The following ABHD2 variants were observed in gnomAD, a reference collection of about 807,000 sequenced individuals.
The protein encoded by ABHD2 is abhydrolase domain containing 2, acylglycerol lipase.
ABHD2 carries 20 observed loss-of-function variants against 48.1 expected under a neutral mutation model. The ratio of observed to expected loss-of-function variants is 0.42; its 90% CI spans 0.29 to 0.60. The LOEUF (loss-of-function observed/expected upper bound fraction) is 0.60. Ranked by LOEUF, ABHD2 falls within the 20% of genes least tolerant of loss-of-function variation. ABHD2 has a pLI of 0.24. For synonymous variants in ABHD2, 209 were observed against 214.2 expected, an observed-to-expected ratio of 0.98 and a Z score of 0.21; for missense variants, 405 against 550.9, an observed-to-expected ratio of 0.74 and a Z score of 2.65.
chr15:89,121,510 T>C (rs1401419267), intron 3 of ABHD2, among the ~76,000 whole-genome samples: 1 of 152,008 alleles, frequency 6.6e-6, no homozygotes, highest in Non-Finnish European at 1.5e-5. Context: ...CAGTAAAATA[T>C]ACAAATCTTA....
At chr15:89,118,570 A>G (rs1196811721) in intron 3 of ABHD2, among the ~76,000 whole-genome samples, 2 of 152,202 alleles carry the variant, frequency 1.3e-5, no homozygotes, top group Non-Finnish European at 2.9e-5. Flanking sequence ...TGCTAGACCC[A>G]GTTCTTTTGT....
the ABHD2 span, among the ~76,000 whole-genome samples, chr15:89,068,739 G>A: frequency 6.9e-6 from 1 of 145,344 alleles, no homozygotes; most frequent in Non-Finnish European, 1.5e-5. Context: ...GCATGAGGAA[G>A]TGGGCAAGCT....
At position 89,187,151 on chromosome 15, in the gene ABHD2, G is replaced by A. The variant is rs148371149; in HGVS notation, c.816-1042G>A. Among the ~76,000 whole-genome samples, 41 of 152,288 alleles carry A rather than the reference G, an allele frequency of 2.7e-4. 1 individual carries two copies. The East Asian group carries it at 7.1e-3, about 27-fold the overall frequency. ...CACCAAGTCCAAGTCCTCTGTCTGC[G>A]TTTCCACACCTCTGGTGTCAAAAGT... On this transcript the variant is annotated intron_variant, in intron 7 of 10. Coordinates refer to ENST00000352732, the MANE Select transcript of ABHD2 (RefSeq NM_152924.5).
chr15:89,084,855 T>G (rs1901328362), upstream of ABHD2, among the ~76,000 whole-genome samples: 1 of 152,204 alleles, frequency 6.6e-6, no homozygotes, highest in Non-Finnish European at 1.5e-5. This position sits in a 1 kb window ranked among gnomAD's most constrained non-coding sequence, Gnocchi z 4.4. Context: ...TTCACTGTCC[T>G]CTGCGTTTTA....
upstream of ABHD2, chr15:89,087,367 G>A (rs764056671): frequency 3.9e-5 from 6 of 152,264 alleles, no homozygotes; most frequent in Non-Finnish European, 7.3e-5. The surrounding 1 kb of genome is among the most constrained non-coding windows in gnomAD (Gnocchi z 5.5). Flanking sequence ...CGAGCCCTAT[G>A]GGGCCTTGGT....
chr15:89,155,677 C>A lies in ABHD2; in HGVS notation c.538+143C>A. 1 of 1,047,260 alleles carries A rather than the reference C, an allele frequency of 9.5e-7. No individual in the cohort carries two copies. The highest frequency in any genetic ancestry group is 1.4e-6 in the Non-Finnish European group (1 of 734,312). 64.9% of individuals were successfully genotyped at this position (1,047,260 alleles called of 1,614,324 possible). A position where few individuals can be genotyped will look rare whatever the true frequency, so the allele number is the denominator to read the frequency against. ...GTCACACGGTTATATCAACAGCCAA[C>A]TTGTACTGGGCATTGATGATGCCAT... On this transcript the variant is annotated intron_variant, in intron 5 of 10. Transcript: ENST00000352732. This position sits in a 1 kb window ranked among gnomAD's most constrained non-coding sequence, Gnocchi z 4.9.
intron 1 of ABHD2, among the ~76,000 whole-genome samples, chr15:89,095,386 G>A (rs1026175266): frequency 7.9e-5 from 12 of 152,208 alleles, no homozygotes; most frequent in African/African-American, 2.9e-4. Context: ...ACTACACAAT[G>A]TTGATATGCA....
intron 3 of ABHD2, among the ~76,000 whole-genome samples, chr15:89,126,749 G>A (rs1487527208): frequency 1.3e-5 from 2 of 152,178 alleles, no homozygotes; most frequent in Admixed American, 6.5e-5. Flanking sequence ...AAGAGCTGAC[G>A]GCTGTTTACG....
At position 89,195,162 on chromosome 15, in the gene ABHD2, T is replaced by G. The variant is rs552254190; in HGVS notation, c.1082-65T>G. On this transcript the variant is annotated intron_variant, in intron 10 of 10. Transcript: ENST00000352732. The surrounding 1 kb of genome is among the most constrained non-coding windows in gnomAD (Gnocchi z 5.1). The stretch of plus-strand genomic sequence containing the variant: ...GCCAGGCTACCCTAGCCAGCTCACC[T>G]CTGCACCTCCTGTCCTGGAGCAAAC... 1.0e-5 allele frequency: 16 copies of G among 1,560,084 alleles called. No individual in the cohort carries two copies. The African/African-American group carries it at 1.5e-4, about 14-fold the overall frequency.
In ABHD2 at chr15:89,116,296, C is replaced by G. The variant is rs759464931; in HGVS notation, c.-6-26C>G. On this transcript the variant is annotated intron_variant, in intron 2 of 10. Coordinates refer to ENST00000352732, the MANE Select transcript of ABHD2 (RefSeq NM_152924.5). This position sits in a 1 kb window ranked among gnomAD's most constrained non-coding sequence, Gnocchi z 4.6. ...CACCCGTCCTCACTGTGCTTGTAAA[C>G]TTAGACCTGTGCCTCTGCTCCCCAG... The G allele has an allele frequency of 2.5e-6, 4 of 1,601,164 alleles. No individual in the cohort carries two copies. The South Asian group carries it at 4.5e-5, about 18-fold the overall frequency.
In ABHD2 at chr15:89,151,561, T is replaced by C. The variant is rs561091834; in HGVS notation, c.195-116T>C. 8.7e-7 allele frequency: 1 copy of C among 1,148,654 alleles called. No individual in the cohort carries two copies. Among genetic ancestry groups the C allele is most frequent in the East Asian group, 2.4e-5 (1 of 41,488 alleles). The allele number at this position is 1,148,654 out of a possible 1,614,324, so 71.2% of individuals were successfully genotyped here. A position where few individuals can be genotyped will look rare whatever the true frequency, so the allele number is the denominator to read the frequency against. On this transcript the variant is annotated intron_variant, in intron 3 of 10. Coordinates refer to ENST00000352732, the MANE Select transcript of ABHD2 (RefSeq NM_152924.5). The surrounding 1 kb of genome is among the most constrained non-coding windows in gnomAD (Gnocchi z 4.7). The stretch of plus-strand genomic sequence containing the variant: ...CGTAATAAAAGCCTCATGTTTATGC[T>C]TTGTGTGCAGAATTTCCCTGGAACA...
In ABHD2 at chr15:89,092,845, G is replaced by A. The variant is rs1221567360; in HGVS notation, c.-107+4282G>A. 2.0e-5 allele frequency among the ~76,000 whole-genome samples: 3 copies of A among 152,180 alleles called. No homozygotes were observed. The highest frequency in any genetic ancestry group is 4.4e-5 in the Non-Finnish European group (3 of 68,020). On this transcript the variant is annotated intron_variant, in intron 1 of 10. Coordinates refer to ENST00000352732, the MANE Select transcript of ABHD2 (RefSeq NM_152924.5). The surrounding 1 kb of genome is among the most constrained non-coding windows in gnomAD (Gnocchi z 4.4). ...TGAAGGCCGTCTATTTTAGATATCT[G>A]TTTTCTGTTTCTAAGGATGCTAAAA...
At chr15:89,191,629 T>C (rs1325987236) in intron 9 of ABHD2, among the ~76,000 whole-genome samples, 11 of 42,628 alleles carry the variant, frequency 2.6e-4, no homozygotes, top group Non-Finnish European at 5.8e-4. Flanking sequence ...ATTTTTTTCT[T>C]TTTTTTTTTT....
chr15:89,064,135 G>C, the ABHD2 span, among the ~76,000 whole-genome samples: 1 of 151,424 alleles, frequency 6.6e-6, no homozygotes, highest in African/African-American at 2.4e-5. Flanking sequence ...GGCTTATTTA[G>C]CATAATGCCT....
At chr15:89,135,785 A>G in intron 3 of ABHD2, 1 of 851,738 alleles carries the variant, frequency 1.2e-6, no homozygotes, top group South Asian at 1.3e-5. Flanking sequence ...CATCTCTCCC[A>G]GTTTCTTTGC....
the ABHD2 span, among the ~76,000 whole-genome samples, chr15:89,072,237 AGACC>A: frequency 2.6e-5 from 4 of 152,160 alleles, no homozygotes; most frequent in Non-Finnish European, 5.9e-5. Flanking sequence ...GAACTCTGGG[AGACC>A]GAGGCAGGTG....
At chr15:89,057,860 A>G in the ABHD2 span, among the ~76,000 whole-genome samples, 2 of 152,124 alleles carry the variant, frequency 1.3e-5, no homozygotes, top group East Asian at 3.9e-4. Flanking sequence ...AGATAGATTC[A>G]GGGGACACCG....
At chr15:89,183,378 A>ATAT (rs1201272467) in intron 6 of ABHD2, 32 of 59,512 alleles carry the variant, frequency 5.4e-4, no homozygotes, top group African/African-American at 2.8e-3. Context: ...CAAAAAAAAA[A>ATAT]AAAAAAATAT....
intron 3 of ABHD2, among the ~76,000 whole-genome samples, chr15:89,141,736 T>C (rs537475237): frequency 1.2e-4 from 19 of 152,362 alleles, no homozygotes; most frequent in African/African-American, 4.6e-4. Flanking sequence ...TTGGTCTCTT[T>C]ACCCTTTCTC....
Sources: allele counts gnomAD v4.1 joint callset (sites outside exome capture counted in the v4.1 genomes callset), GRCh38; gene constraint gnomAD v4.1.1; non-coding constraint Gnocchi (gnomAD v3.1); transcripts MANE v1.5; gene names NCBI Gene and HGNC (gene_info 2026-07-23, HGNC 2026-07-21).